Variants in FRS2 observed in about 807,000 individuals in gnomAD.
The protein encoded by FRS2 is fibroblast growth factor receptor substrate 2.
Under a neutral mutation model 43.9 loss-of-function variants are expected in FRS2, and 8 were observed. The ratio of observed to expected loss-of-function variants is 0.18; its 90% CI spans 0.11 to 0.33. The LOEUF (loss-of-function observed/expected upper bound fraction) is 0.33, where lower values mean the gene tolerates loss of function less well. FRS2 is among the 10% of genes least tolerant of loss of function. FRS2 has a pLI of 1.00. For missense variants in FRS2, 534 were observed against 627.6 expected (o/e 0.85, Z 1.59); for synonymous variants, 219 against 220.3 (o/e 0.99, Z 0.05).
At chr12:69,491,146 A>G (rs2120930171) in intron 1 of FRS2, among the ~76,000 whole-genome samples, 1 of 152,252 alleles carries the variant, frequency 6.6e-6, no homozygotes, top group South Asian at 2.1e-4. Flanking sequence ...CCCTGGCTGG[A>G]GTGCAGTGGC....
At chr12:69,536,896 C>G (rs1877373115) in intron 3 of FRS2, among the ~76,000 whole-genome samples, 1 of 152,232 alleles carries the variant, frequency 6.6e-6, no homozygotes, top group African/African-American at 2.4e-5. Context: ...CTGTCCCCTT[C>G]TGTGGTTTTT....
At position 69,516,531 on chromosome 12, in the gene FRS2, T is replaced by G. The variant is rs532502142; in HGVS notation, c.-260-14334T>G. Among the ~76,000 whole-genome samples, 5 of 152,262 alleles carry G rather than the reference T, an allele frequency of 3.3e-5. No individual in the cohort carries two copies. The South Asian group carries it at 1.0e-3, about 32-fold the overall frequency. On this transcript the variant is annotated intron_variant, in intron 1 of 8. Coordinates refer to ENST00000549921, the MANE Select transcript of FRS2 (RefSeq NM_001278356.2). ...CTGCGCCCGGCCAAAAGTGAGTAGATTAAGTGCCCTTCCACACACATGCTC... is the reference window on the plus strand; with the variant it reads ...CTGCGCCCGGCCAAAAGTGAGTAGAGTAAGTGCCCTTCCACACACATGCTC...
rs137995360 is a variant in FRS2, at chr12:69,532,396, C to T, written c.-122+340C>T. On this transcript the variant is annotated intron_variant, in intron 3 of 8. Coordinates refer to ENST00000549921, the MANE Select transcript of FRS2 (RefSeq NM_001278356.2). ...TCTTTTACTCAGTGGACATTGCCTA[C>T]GTGACTTGGAGGAGTAGAGGGTTCA... is the stretch of plus-strand genomic sequence containing the variant. Among the ~76,000 whole-genome samples, 829 of 152,266 alleles carry T rather than the reference C, an allele frequency of 5.4e-3. 5 individuals carry two copies. The highest frequency in any genetic ancestry group is 9.2e-3 in the Non-Finnish European group (627 of 68,026).
chr12:69,543,448 A>G (rs1275479845), intron 3 of FRS2, among the ~76,000 whole-genome samples: 2 of 152,238 alleles, frequency 1.3e-5, no homozygotes, highest in Non-Finnish European at 2.9e-5. Context: ...TGAACAAAAC[A>G]AAATCTTTGT....
chr12:69,528,868 C>T (rs1457674457), intron 1 of FRS2, among the ~76,000 whole-genome samples: 2 of 152,156 alleles, frequency 1.3e-5, no homozygotes, highest in Non-Finnish European at 2.9e-5. Context: ...AGAGAGATAT[C>T]TCTTGTTACT....
chr12:69,555,838 AAGT>A (rs982153681), intron 3 of FRS2, among the ~76,000 whole-genome samples: 63 of 152,198 alleles, frequency 4.1e-4, no homozygotes, highest in African/African-American at 1.4e-3. Flanking sequence ...ACTGCTCTAG[AAGT>A]AGAGAATAAA....
chr12:69,528,264 A>G (rs528899634), intron 1 of FRS2, among the ~76,000 whole-genome samples: 2 of 152,290 alleles, frequency 1.3e-5, no homozygotes, highest in African/African-American at 2.4e-5. Context: ...ACATCCTACC[A>G]TGTCATAGCT....
Position 69,570,458 on chromosome 12 carries a change from A to G in FRS2, c.194A>G (p.Tyr65Cys). 6.2e-7 allele frequency: 1 copy of G among 1,612,826 alleles called. No individual in the cohort carries two copies. Among genetic ancestry groups the G allele is most frequent in the Non-Finnish European group, 8.5e-7 (1 of 1,178,774 alleles). Residue 65 changes from tyrosine (Y) to cysteine (C), a missense_variant, in exon 6 of 9, where the codon TAT (tyrosine) becomes TGT (cysteine). Around this residue, in one of 3 missense-constraint regions of FRS2, gnomAD observed 76 missense variants for 90.5 expected, o/e 0.84. Transcript: ENST00000549921. Reference protein sequence around the residue: ...VKWHYLCLRRYGYDSNLFSFE... With the variant: ...VKWHYLCLRRCGYDSNLFSFE... ...TGGCACTACCTCTGCCTGCGACGCTATGGCTATGACTCGAATCTCTTTTCT... is the reference window on the plus strand; with the variant it reads ...TGGCACTACCTCTGCCTGCGACGCTGTGGCTATGACTCGAATCTCTTTTCT...
At chr12:69,551,928 G>T (rs932562993) in intron 3 of FRS2, among the ~76,000 whole-genome samples, 3 of 151,850 alleles carry the variant, frequency 2.0e-5, no homozygotes, top group African/African-American at 7.3e-5. Flanking sequence ...ACTAAAATTT[G>T]GGTGTGTCTT....
At chr12:69,568,713 AC>A (rs1245134725) in intron 4 of FRS2, among the ~76,000 whole-genome samples, 1 of 101,204 alleles carries the variant, frequency 9.9e-6, no homozygotes, top group Non-Finnish European at 1.8e-5. Flanking sequence ...TATATATGAG[AC>A]CTTAAGTTGG....
At chr12:69,506,117 T>C (rs1421164874) in intron 1 of FRS2, among the ~76,000 whole-genome samples, 1 of 152,202 alleles carries the variant, frequency 6.6e-6, no homozygotes, top group South Asian at 2.1e-4. Context: ...ACTATTTGAG[T>C]TGGCTTGCAA....
At chr12:69,547,196 C>T (rs1878482120) in intron 3 of FRS2, among the ~76,000 whole-genome samples, 1 of 152,038 alleles carries the variant, frequency 6.6e-6, no homozygotes, top group South Asian at 2.1e-4. Context: ...ATGGTTTTGT[C>T]AGGGGATAGG....
At chr12:69,524,726 G>A (rs912758242) in intron 1 of FRS2, among the ~76,000 whole-genome samples, 11 of 152,148 alleles carry the variant, frequency 7.2e-5, no homozygotes, top group African/African-American at 2.7e-4. Flanking sequence ...CCACTACAGA[G>A]GCTGCAGCAC....
At chr12:69,485,172 CTTATTTAT>C (rs112733263) in intron 1 of FRS2, among the ~76,000 whole-genome samples, 13 of 146,140 alleles carry the variant, frequency 8.9e-5, no homozygotes, top group South Asian at 2.2e-4. Context: ...CAGAAGTTTA[CTTATTTAT>C]TTATTTATTT....
At chr12:69,485,343 T>C (rs1871820867) in intron 1 of FRS2, among the ~76,000 whole-genome samples, 1 of 150,622 alleles carries the variant, frequency 6.6e-6, no homozygotes, top group Admixed American at 6.6e-5. Flanking sequence ...ACACCACGCC[T>C]GGCTAATTTT....
rs555130273 is a variant in FRS2 at position 69,551,809 on chromosome 12, G to T, written c.-121-10371G>T. On this transcript the variant is annotated intron_variant, in intron 3 of 8. Coordinates refer to ENST00000549921, the MANE Select transcript of FRS2 (RefSeq NM_001278356.2). ...AACATCTGGGAAGGAGTAAAGAAAA[G>T]ATGGTCCAAACAACTTTTCATTTCT... is the stretch of plus-strand genomic sequence containing the variant. Among the ~76,000 whole-genome samples, 22 of 152,246 alleles carry T rather than the reference G, an allele frequency of 1.4e-4. No homozygotes were observed. The South Asian group carries it at 3.1e-3, about 22-fold the overall frequency.
intron 1 of FRS2, among the ~76,000 whole-genome samples, chr12:69,512,944 GT>G (rs1164959763): frequency 1.3e-5 from 2 of 152,110 alleles, no homozygotes; most frequent in Admixed American, 1.3e-4. Flanking sequence ...CTTCATTTCA[GT>G]TAACTTTATT....
chr12:69,476,753 C>CGGGGGGGGGGTGGGGGGGGGGGGGGG (rs60543134), intron 1 of FRS2, among the ~76,000 whole-genome samples: 1 of 80,110 alleles, frequency 1.2e-5, no homozygotes, highest in African/African-American at 4.7e-5. Flanking sequence ...GGGGGAGGGA[C>CGGGGGGGGGGTGGGGGGGGGGGGGGG]GGGGGGGGGT....
intron 3 of FRS2, among the ~76,000 whole-genome samples, chr12:69,551,257 T>C (rs1234625217): frequency 6.6e-6 from 1 of 152,072 alleles, no homozygotes; most frequent in African/African-American, 2.4e-5. Context: ...GGAGGCTGAT[T>C]CGGGAGGATC....
Sources: gnomAD v4.1 joint callset for allele counts (sites outside exome capture counted in the v4.1 genomes callset) on GRCh38, gnomAD v4.1.1 for gene constraint, gnomAD v4.1.1 regional missense constraint, MANE v1.5 for transcripts, NCBI Gene and HGNC (gene_info 2026-07-23, HGNC 2026-07-21) for gene names.